Variants in GRIP1 observed in about 807,000 individuals in gnomAD.
The protein encoded by GRIP1 is glutamate receptor interacting protein 1, also known as glutamate receptor-interacting protein 1.
Under a neutral mutation model 129.9 loss-of-function variants are expected in GRIP1, and 45 were observed. The ratio of observed to expected loss-of-function variants is 0.35; its 90% CI spans 0.27 to 0.44. GRIP1 has a LOEUF of 0.44. Among genes scored for constraint, GRIP1 ranks in the 20% least tolerant of loss-of-function variants. The pLI, the probability that GRIP1 is intolerant of heterozygous loss-of-function variation, is 1.00. For missense variants in GRIP1, 1,196 were observed against 1,396.8 expected (o/e 0.86, Z 2.29); for synonymous variants, 530 against 520.8 (o/e 1.02, Z -0.24).
At chr12:66,837,558 A>C (rs12296450) in intron 1 of GRIP1, among the ~76,000 whole-genome samples, 24,568 of 152,172 alleles carry the variant, frequency 0.16, 2,132 homozygotes, top group East Asian at 0.37. Flanking sequence ...TTGGCAAGGG[A>C]AAAATAATGA....
At chr12:66,360,855 T>G (rs2054724178) in intron 23 of GRIP1, among the ~76,000 whole-genome samples, 1 of 152,224 alleles carries the variant, frequency 6.6e-6, no homozygotes, top group South Asian at 2.1e-4. Context: ...TCATGGCAAT[T>G]GACAGCCATC....
chr12:66,704,610 C>G (rs999670061), intron 1 of GRIP1, among the ~76,000 whole-genome samples: 22 of 152,114 alleles, frequency 1.4e-4, no homozygotes, highest in African/African-American at 5.3e-4. Flanking sequence ...CCCAAGCACT[C>G]TGCAGAATGT....
At chr12:66,965,119 T>C (rs1384097752) in intron 1 of GRIP1, among the ~76,000 whole-genome samples, 1 of 152,056 alleles carries the variant, frequency 6.6e-6, no homozygotes, top group Non-Finnish European at 1.5e-5. Flanking sequence ...CACAAGTCAG[T>C]CCCTAATAAT....
chr12:67,060,742 G>A (rs1267401433), intron 1 of GRIP1, among the ~76,000 whole-genome samples: 1 of 149,496 alleles, frequency 6.7e-6, no homozygotes, highest in African/African-American at 2.5e-5. Flanking sequence ...AGAACTTCTT[G>A]AACCCAGGAG....
intron 1 of GRIP1, among the ~76,000 whole-genome samples, chr12:66,979,368 G>A (rs1177804852): frequency 1.3e-5 from 2 of 150,388 alleles, no homozygotes; most frequent in African/African-American, 4.9e-5. Context: ...CTCAATGAGT[G>A]AATGCAGGAG....
At chr12:66,696,522 C>G in intron 1 of GRIP1, among the ~76,000 whole-genome samples, 1 of 152,010 alleles carries the variant, frequency 6.6e-6, no homozygotes, top group South Asian at 2.1e-4. Flanking sequence ...CGTGGTGGCT[C>G]TCGTCTGTAA....
chr12:66,884,555 C>T (rs1197549840), intron 1 of GRIP1, among the ~76,000 whole-genome samples: 1 of 151,942 alleles, frequency 6.6e-6, no homozygotes, highest in Non-Finnish European at 1.5e-5. Context: ...AGAACTGACA[C>T]CAATTGGAAA....
At position 66,392,687 on chromosome 12, in the gene GRIP1, T is replaced by A; in HGVS notation, c.2259A>T (p.Lys753Asn). Residue 753 changes from lysine to asparagine, a missense_variant, in exon 18 of 25, where the codon AAA (lysine) becomes AAT (asparagine). Physicochemically the swap from Lys to Asn is moderately conservative, Grantham distance 94. Transcript: ENST00000359742. ...AGETVTLKIKKQTDAQSASSP... is the reference protein window; with the variant it reads ...AGETVTLKIKNQTDAQSASSP... ...CAATTCACTACTCACCATCTGTCTGTTTCTTAATTTTCAAGGTGACAGTCT... is the reference window on the plus strand; with the variant it reads ...CAATTCACTACTCACCATCTGTCTGATTCTTAATTTTCAAGGTGACAGTCT... 1.9e-6 allele frequency: 3 copies of A among 1,614,122 alleles called. No individual in the cohort carries two copies. Among genetic ancestry groups the A allele is most frequent in the Non-Finnish European group, 2.5e-6 (3 of 1,179,962 alleles).
chr12:66,761,219 C>A lies in GRIP1; in HGVS notation c.-420+42834G>T, dbSNP rs1472508249. On this transcript the variant is annotated intron_variant, in intron 1 of 4. Transcript: ENST00000538373. ...TATCCCAAGCATCACTACAGACAAA[C>A]CTTTCTTAAGTACAAGTCTTTTCTC... 2.6e-5 allele frequency among the ~76,000 whole-genome samples: 4 copies of A among 151,998 alleles called. No homozygotes were observed. The South Asian group carries it at 8.3e-4, about 31-fold the overall frequency.
At chr12:66,444,215 G>C (rs368996556) in intron 13 of GRIP1, among the ~76,000 whole-genome samples, 1 of 152,104 alleles carries the variant, frequency 6.6e-6, no homozygotes. Context: ...GGCCGGGCGC[G>C]GTGGCTCACG....
At chr12:66,643,474 A>G (rs1371393752) in intron 1 of GRIP1, among the ~76,000 whole-genome samples, 3 of 152,242 alleles carry the variant, frequency 2.0e-5, no homozygotes, top group Non-Finnish European at 4.4e-5. Flanking sequence ...GTTATAGCAT[A>G]GTGGGGATAG....
chr12:66,689,502 G>A (rs2034901828), intron 1 of GRIP1, among the ~76,000 whole-genome samples: 2 of 152,190 alleles, frequency 1.3e-5, no homozygotes, highest in African/African-American at 2.4e-5. Flanking sequence ...AAAGGCATAT[G>A]CAGGAGAAAC....
chr12:66,619,208 T>C (rs773107942), intron 1 of GRIP1, among the ~76,000 whole-genome samples: 3 of 152,060 alleles, frequency 2.0e-5, no homozygotes, highest in Non-Finnish European at 2.9e-5. Flanking sequence ...TTGGGATCCA[T>C]AGGGTGAGCA....
rs2059562584 is a variant in GRIP1, at chr12:66,475,042, T to A, written c.725-9620A>T. ...AAAAGACACAGACTGGCAAATTGGA[T>A]AAAGAGTCAAGACCCATCAGTGTGC... On this transcript the variant is annotated intron_variant, in intron 7 of 24. Coordinates refer to ENST00000359742, the MANE Select transcript of GRIP1 (RefSeq NM_001366722.1). 2.0e-5 allele frequency among the ~76,000 whole-genome samples: 3 copies of A among 152,050 alleles called. No individual in the cohort carries two copies. In the South Asian group the frequency reaches 6.2e-4, roughly 32 times the overall value.
intron 1 of GRIP1, among the ~76,000 whole-genome samples, chr12:66,639,201 T>C (rs2031698273): frequency 6.6e-6 from 1 of 152,198 alleles, no homozygotes; most frequent in Non-Finnish European, 1.5e-5. Flanking sequence ...AGGGTACTAA[T>C]AGTATTACTA....
chr12:67,038,122 A>C (rs1177678069), intron 1 of GRIP1, among the ~76,000 whole-genome samples: 1 of 152,202 alleles, frequency 6.6e-6, no homozygotes, highest in African/African-American at 2.4e-5. Context: ...TGAAGGACTA[A>C]CCAATGACTT....
At chr12:66,614,782 T>C (rs990617641) in intron 1 of GRIP1, among the ~76,000 whole-genome samples, 2 of 152,158 alleles carry the variant, frequency 1.3e-5, no homozygotes, top group Non-Finnish European at 2.9e-5. Flanking sequence ...TGTATCTTTC[T>C]CCTCTTCATT....
intron 7 of GRIP1, among the ~76,000 whole-genome samples, chr12:66,468,956 G>A (rs2138393221): frequency 6.6e-6 from 1 of 152,198 alleles, no homozygotes; most frequent in East Asian, 1.9e-4. Context: ...CCCCATTAAG[G>A]CTTGAAAAAA....
intron 1 of GRIP1, among the ~76,000 whole-genome samples, chr12:67,056,770 A>C (rs1325391098): frequency 1.3e-5 from 2 of 152,114 alleles, no homozygotes; most frequent in Non-Finnish European, 2.9e-5. Flanking sequence ...CCACTGAATA[A>C]TCTTCCTGTT....
Sources: gnomAD v4.1 joint callset for allele counts (sites outside exome capture counted in the v4.1 genomes callset) on GRCh38, gnomAD v4.1.1 for gene constraint, MANE v1.5 for transcripts, NCBI Gene and HGNC (gene_info 2026-07-23, HGNC 2026-07-21) for gene names.